The following PCDHGA2 variants were observed in gnomAD, a reference collection of about 807,000 sequenced individuals.
PCDHGA2 encodes the protein protocadherin gamma-A2.
A neutral mutation model predicts 59.2 loss-of-function variants in PCDHGA2; 40 were observed. The observed-to-expected ratio is 0.68, with a 90% CI of 0.52 to 0.88. The LOEUF is 0.88. Ranked by LOEUF, PCDHGA2 falls within the 40% of genes least tolerant of loss-of-function variation. PCDHGA2 has a pLI of 0.00. For synonymous variants in PCDHGA2, 560 were observed against 526.0 expected (o/e 1.06, Z -0.89); for missense variants, 1,226 against 1,204.0 (o/e 1.02, Z -0.27).
At chr5:141,385,397 A>T (rs1023066700) in intron 1 of PCDHGA2, 2 of 1,492,858 alleles carry the variant, frequency 1.3e-6, no homozygotes, top group Non-Finnish European at 1.8e-6. Flanking sequence ...TGCAAAACAA[A>T]TGTTTTGAAA....
chr5:141,390,043 C>T, intron 1 of PCDHGA2: 2 of 1,614,064 alleles, frequency 1.2e-6, no homozygotes, highest in Non-Finnish European at 8.5e-7. Flanking sequence ...TCCAGCCCCG[C>T]CTCCTGGAGC....
intron 1 of PCDHGA2, chr5:141,364,395 C>T (rs1330798978): frequency 1.9e-6 from 3 of 1,603,432 alleles, no homozygotes; most frequent in Admixed American, 1.7e-5. Flanking sequence ...CTCCTGGGGA[C>T]GCTGTGCGAG....
chr5:141,464,266 AAAAAAAAAAAAGC>A (rs2099079689), intron 1 of PCDHGA2, among the ~76,000 whole-genome samples: 2 of 138,926 alleles, frequency 1.4e-5, no homozygotes, highest in Admixed American at 1.4e-4. Flanking sequence ...CTCCGTCTAA[AAAAAAAAAAAAGC>A]AAAAAAAAAA....
rs1335023784 is a variant in PCDHGA2 at position 141,490,877 on chromosome 5, C to CCAA, written c.2425-3927_2425-3925dup. 2.5e-6 allele frequency: 4 copies of CCAA among 1,613,762 alleles called. No homozygotes were observed. Among genetic ancestry groups the CCAA allele is most frequent in the Non-Finnish European group, 3.4e-6 (4 of 1,179,908 alleles). On this transcript the variant is annotated intron_variant, in intron 1 of 3. Transcript: ENST00000394576. This position sits in a 1 kb window ranked among gnomAD's most constrained non-coding sequence, Gnocchi z 5.4. ...GACTCCGGCTCTCCCCCATTGCATG[C>CCAA]CAACACATCTCTGCATGTGTTTGTC...
At chr5:141,408,962 A>G (rs1561716536) in intron 1 of PCDHGA2, 3 of 1,613,638 alleles carry the variant, frequency 1.9e-6, no homozygotes, top group Admixed American at 3.3e-5. Flanking sequence ...TCTTAGTGAA[A>G]ATCTGCCCCC....
intron 1 of PCDHGA2, chr5:141,355,301 C>A (rs1426106263): frequency 2.5e-6 from 4 of 1,613,904 alleles, no homozygotes; most frequent in Middle Eastern, 1.7e-4. Context: ...ATTCTCTACT[C>A]GGTGTTTGAG....
chr5:141,340,600 T>A lies in PCDHGA2; in HGVS notation c.1629T>A (p.Ser543Arg), dbSNP rs141947870. The A allele has an allele frequency of 2.5e-6, 4 of 1,614,140 alleles. No individual in the cohort carries two copies. In the South Asian group the frequency reaches 4.4e-5, roughly 18 times the overall value. The part of the protein sequence containing the change: ...IARDSGNPPL[S>R]SNVSLSLFVL... ...GGGACAGCGGGAACCCTCCACTCAG[T>A]AGCAATGTATCATTAAGCCTGTTCG... The change falls in exon 1 of 4, where the codon AGT becomes AGA. Residue 543 changes from serine (S) to arginine (R), a missense_variant. Coordinates refer to ENST00000394576, the MANE Select transcript of PCDHGA2 (RefSeq NM_018915.4).
rs759346998 is a variant in PCDHGA2, at chr5:141,410,849, C to CTTTTTTTTTTTTTTTTTTTTTTTTTTTTT, written c.2424+69476_2424+69477insTTTTTTTTTTTTTTTTTTTTTTTTTTTTT. 5.4e-5 allele frequency: 7 copies of CTTTTTTTTTTTTTTTTTTTTTTTTTTTTT among 129,786 alleles called. 2 individuals carry two copies. The highest frequency in any genetic ancestry group is 3.0e-4 in the African/African-American group (5 of 16,598). 8.0% of individuals were successfully genotyped at this position (129,786 alleles called of 1,614,324 possible). A position where few individuals can be genotyped will look rare whatever the true frequency, so the allele number is the denominator to read the frequency against. ...CAGACTGAAGATATTTTGTCTTTGT[C>CTTTTTTTTTTTTTTTTTTTTTTTTTTTTT]TTTTTTTTTTTTTTTTTTTTTTGAG... On this transcript the variant is annotated intron_variant, in intron 1 of 3. Transcript: ENST00000394576.
At chr5:141,371,133 T>C (rs772495360) in intron 1 of PCDHGA2, 1 of 1,614,000 alleles carries the variant, frequency 6.2e-7, no homozygotes, top group Non-Finnish European at 8.5e-7. Flanking sequence ...TCAGGACATG[T>C]ACAGGGTCAA....
intron 1 of PCDHGA2, chr5:141,376,645 T>C: frequency 9.9e-7 from 1 of 1,010,330 alleles, no homozygotes; most frequent in South Asian, 1.7e-5. Flanking sequence ...TTTTGTAAAG[T>C]GGAAGACTCC....
intron 1 of PCDHGA2, among the ~76,000 whole-genome samples, chr5:141,387,391 A>T (rs1029358024): frequency 4.6e-5 from 7 of 152,220 alleles, no homozygotes; most frequent in Non-Finnish European, 1.0e-4. Context: ...TAGATAGTGC[A>T]TGTTTGAAGA....
At position 141,416,345 on chromosome 5, in the gene PCDHGA2, A is replaced by T. The variant is rs542527661; in HGVS notation, c.2424+74950A>T. ...ATTTAACTTTCATTGCTCAATAGGG[A>T]TCCTGAGGAGGCTATAGAGGGTGAA... On this transcript the variant is annotated intron_variant, in intron 1 of 3. Transcript: ENST00000394576. The T allele has an allele frequency of 4.6e-5, 7 of 152,330 alleles. No homozygotes were observed. In the East Asian group the frequency reaches 1.3e-3, roughly 29 times the overall value. The allele number at this position is 152,330 out of a possible 1,614,324, so 9.4% of individuals were successfully genotyped here. A position where few individuals can be genotyped will look rare whatever the true frequency, so the allele number is the denominator to read the frequency against.
intron 1 of PCDHGA2, chr5:141,399,764 T>C: frequency 6.2e-7 from 1 of 1,613,252 alleles, no homozygotes; most frequent in Non-Finnish European, 8.5e-7. Flanking sequence ...AGCCTGCGCG[T>C]GTTGGTGGGC....
At chr5:141,355,956 TG>T in intron 1 of PCDHGA2, 6 of 1,613,914 alleles carry the variant, frequency 3.7e-6, no homozygotes, top group Non-Finnish European at 5.1e-6. Flanking sequence ...TAAGTGTTCG[TG>T]AGAACGTTCC....
At chr5:141,417,949 TGA>T (rs2096196504) in intron 1 of PCDHGA2, 1 of 1,613,400 alleles carries the variant, frequency 6.2e-7, no homozygotes, top group Non-Finnish European at 8.5e-7. Context: ...CCACGCTGTG[TGA>T]GCCGATCCGC....
intron 1 of PCDHGA2, chr5:141,357,533 C>A: frequency 6.2e-7 from 1 of 1,614,194 alleles, no homozygotes; most frequent in Non-Finnish European, 8.5e-7. Flanking sequence ...TATGCAGACA[C>A]GCTCATCAGC....
At chr5:141,409,828 C>G in intron 1 of PCDHGA2, 1 of 1,611,128 alleles carries the variant, frequency 6.2e-7, no homozygotes, top group Non-Finnish European at 8.5e-7. Flanking sequence ...CGCCCACGCT[C>G]AGCGCCAACG....
chr5:141,359,491 C>T (rs553300282), intron 1 of PCDHGA2, among the ~76,000 whole-genome samples: 25 of 150,570 alleles, frequency 1.7e-4, no homozygotes, highest in African/African-American at 5.4e-4. Context: ...ATTCATATTA[C>T]GGACTACTAG....
chr5:141,382,690 G>T, intron 1 of PCDHGA2: 1 of 448,422 alleles, frequency 2.2e-6, no homozygotes, highest in Middle Eastern at 5.6e-4. Flanking sequence ...AGGGAAAAAT[G>T]GTGCGAGAGA....
Sources: allele counts gnomAD v4.1 joint callset (sites outside exome capture counted in the v4.1 genomes callset), GRCh38; gene constraint gnomAD v4.1.1; non-coding constraint Gnocchi (gnomAD v3.1); transcripts MANE v1.5; gene names NCBI Gene and HGNC (gene_info 2026-07-23, HGNC 2026-07-21).